The following MOSMO variants were observed in gnomAD, a reference collection of about 807,000 sequenced individuals.
MOSMO encodes modulator of smoothened, also known as modulator of smoothened protein.
MOSMO carries 5 observed loss-of-function variants against 18.4 expected under a neutral mutation model. The observed-to-expected ratio is 0.27, with a 90% CI of 0.14 to 0.57. The LOEUF is 0.57. Ranked by LOEUF, MOSMO falls within the 20% of genes least tolerant of loss-of-function variation. The pLI is 0.92. For synonymous variants in MOSMO, 82 were observed against 82.3 expected, an observed-to-expected ratio of 1.00 and a Z score of 0.02; for missense variants, 138 against 211.8, an observed-to-expected ratio of 0.65 and a Z score of 2.16.
At chr16:22,052,006 G>A (rs2041320366) in intron 1 of MOSMO, among the ~76,000 whole-genome samples, 1 of 152,104 alleles carries the variant, frequency 6.6e-6, no homozygotes, top group Admixed American at 6.5e-5. Flanking sequence ...CTATATATAT[G>A]TGGAATAATT....
chr16:22,060,844 G>A (rs1056170295), intron 1 of MOSMO, among the ~76,000 whole-genome samples: 1 of 151,552 alleles, frequency 6.6e-6, no homozygotes, highest in African/African-American at 2.4e-5. Flanking sequence ...TTGCACTCTA[G>A]CCTGGGCAAC....
At chr16:22,067,890 A>G (rs199903611) in intron 1 of MOSMO, among the ~76,000 whole-genome samples, 1 of 62,980 alleles carries the variant, frequency 1.6e-5, no homozygotes, top group Non-Finnish European at 2.7e-5. Flanking sequence ...AAAAAGAAAG[A>G]AAAAAAAAAA....
intron 1 of MOSMO, among the ~76,000 whole-genome samples, chr16:22,019,239 C>A (rs189480973): frequency 6.6e-5 from 10 of 152,264 alleles, no homozygotes; most frequent in Admixed American, 5.2e-4. Context: ...GGCCTTAGAT[C>A]CTGCTTTTTT....
chr16:22,050,326 T>C (rs376763287), intron 1 of MOSMO, among the ~76,000 whole-genome samples: 4 of 152,298 alleles, frequency 2.6e-5, no homozygotes, highest in Non-Finnish European at 5.9e-5. Context: ...ACCTTTCAGG[T>C]TAAATACAAT....
chr16:22,023,855 T>TATTG lies in MOSMO; in HGVS notation c.106+15451_106+15454dup, dbSNP rs575763104. Among the ~76,000 whole-genome samples the TATTG allele has an allele frequency of 1.6e-3, 236 of 152,236 alleles. 2 individuals are homozygous for TATTG. The highest frequency in any genetic ancestry group is 5.5e-3 in the African/African-American group (228 of 41,540). On this transcript the variant is annotated intron_variant, in intron 1 of 2. Coordinates refer to ENST00000542527, the MANE Select transcript of MOSMO (RefSeq NM_001164579.2). ...GAAGAAGACTCTTGTCTTTTGACTG[T>TATTG]ATTGATACAGGCTACAGAGGTACTT...
At chr16:22,037,184 C>G (rs946377693) in intron 1 of MOSMO, among the ~76,000 whole-genome samples, 3 of 152,092 alleles carry the variant, frequency 2.0e-5, no homozygotes, top group Non-Finnish European at 4.4e-5. Context: ...GTGGGAGGAT[C>G]ACTTGAACCC....
chr16:22,068,686 G>A (rs1437322178), intron 1 of MOSMO, among the ~76,000 whole-genome samples: 1 of 152,138 alleles, frequency 6.6e-6, no homozygotes, highest in African/African-American at 2.4e-5. Context: ...GTTTATCCAT[G>A]TTGTAACATG....
intron 1 of MOSMO, among the ~76,000 whole-genome samples, chr16:22,009,804 CAAAAAAAAAAAAAAAAAAA>C (rs56313303): frequency 1.7e-4 from 6 of 35,962 alleles, no homozygotes; most frequent in East Asian, 1.3e-3. Flanking sequence ...ACTAAAAATA[CAAAAAAAAAAAAAAAAAAA>C]AAAAAAAAAA....
chr16:22,056,880 T>C (rs1598016851), intron 1 of MOSMO, among the ~76,000 whole-genome samples: 1 of 152,222 alleles, frequency 6.6e-6, no homozygotes, highest in East Asian at 1.9e-4. Flanking sequence ...CTTTAGTCCA[T>C]GAAATAAATG....
chr16:22,064,439 G>A (rs1171912323), intron 1 of MOSMO: 2 of 456,072 alleles, frequency 4.4e-6, no homozygotes, highest in African/African-American at 2.0e-5. Context: ...GGAAGAAACA[G>A]TAAGTATCCT....
chr16:22,010,823 A>G (rs576667986), intron 1 of MOSMO, among the ~76,000 whole-genome samples: 5 of 152,024 alleles, frequency 3.3e-5, no homozygotes, highest in South Asian at 4.2e-4. Context: ...CGGGAGGCTG[A>G]GGCAAGAGAA....
intron 1 of MOSMO, among the ~76,000 whole-genome samples, chr16:22,019,976 G>C (rs1433375046): frequency 3.3e-5 from 5 of 151,984 alleles, no homozygotes; most frequent in Non-Finnish European, 7.4e-5. Context: ...CACTTTGGGA[G>C]GCCGAGGCGG....
intron 1 of MOSMO, among the ~76,000 whole-genome samples, chr16:22,016,441 A>G (rs187923117): frequency 1.5e-3 from 229 of 152,302 alleles, no homozygotes; most frequent in African/African-American, 4.9e-3. Context: ...TGTTCCAGAA[A>G]GAGATTTAAG....
chr16:22,074,156 A>G (rs1900916271), intron 1 of MOSMO, among the ~76,000 whole-genome samples: 1 of 152,178 alleles, frequency 6.6e-6, no homozygotes, highest in Admixed American at 6.5e-5. Flanking sequence ...TCTTCCCACC[A>G]GGGCAGCTTC....
intron 1 of MOSMO, among the ~76,000 whole-genome samples, chr16:22,025,572 G>A (rs1332109672): frequency 3.3e-5 from 5 of 152,106 alleles, no homozygotes; most frequent in African/African-American, 1.2e-4. Context: ...GAGCCTAACT[G>A]TACATCAAAT....
At chr16:22,020,267 A>G (rs1178515219) in intron 1 of MOSMO, among the ~76,000 whole-genome samples, 1 of 149,010 alleles carries the variant, frequency 6.7e-6, no homozygotes, top group Non-Finnish European at 1.5e-5. Context: ...AAGTCCAGCT[A>G]CTATATAATC....
intron 1 of MOSMO, among the ~76,000 whole-genome samples, chr16:22,062,269 A>ATT (rs10626243): frequency 2.6e-5 from 4 of 151,952 alleles, no homozygotes; most frequent in African/African-American, 9.7e-5. Flanking sequence ...TATATAAAAA[A>ATT]GAGAAAGATA....
At position 22,083,583 on chromosome 16, in the gene MOSMO, T is replaced by C. The variant is rs1280212873; in HGVS notation, c.*2703T>C. Reference sequence around the variant, plus strand: ...AGTACTATATAGTACAGTATTAATTTATAGCAGGAAATCGTATCTTGTAAA... The same window carrying C: ...AGTACTATATAGTACAGTATTAATTCATAGCAGGAAATCGTATCTTGTAAA... On this transcript the variant is annotated 3_prime_UTR_variant, in exon 3 of 3. Coordinates refer to ENST00000542527, the MANE Select transcript of MOSMO (RefSeq NM_001164579.2). The C allele has an allele frequency of 2.3e-6, 1 of 439,124 alleles. No homozygotes were observed. The highest frequency in any genetic ancestry group is 4.5e-6 in the Non-Finnish European group (1 of 223,396). The allele number at this position is 439,124 out of a possible 1,614,324, so 27.2% of individuals were successfully genotyped here.
intron 1 of MOSMO, among the ~76,000 whole-genome samples, chr16:22,054,106 T>C (rs1900486357): frequency 6.6e-6 from 1 of 151,890 alleles, no homozygotes; most frequent in African/African-American, 2.4e-5. Flanking sequence ...TTTTTTTTGT[T>C]TCATTTTGAG....
Sources: allele counts gnomAD v4.1 joint callset (sites outside exome capture counted in the v4.1 genomes callset), GRCh38; gene constraint gnomAD v4.1.1; transcripts MANE v1.5; gene names NCBI Gene and HGNC (gene_info 2026-07-23, HGNC 2026-07-21).